Variants in ADSS1 observed in about 807,000 individuals in gnomAD.
ADSS1 encodes adenylosuccinate synthetase isozyme 1.
A neutral mutation model predicts 59.1 loss-of-function variants in ADSS1; 57 were observed. The ratio of observed to expected loss-of-function variants is 0.97; its 90% confidence interval spans 0.78 to 1.20. The LOEUF is 1.20. Ranked by LOEUF, ADSS1 falls within the 50% of genes most tolerant of loss-of-function variation. ADSS1 has a pLI of 0.00. For missense variants in ADSS1, 603 were observed against 610.3 expected (o/e 0.99, Z 0.13); for synonymous variants, 247 against 249.4 (o/e 0.99, Z 0.09).
At chr14:104,729,601 G>T (rs1890833072) in intron 1 of ADSS1, 1 of 205,548 alleles carries the variant, frequency 4.9e-6, no homozygotes, top group Non-Finnish European at 8.8e-6. Flanking sequence ...GGAGGAGCGT[G>T]GCGTCGGCGT....
chr14:104,741,881 C>A lies in ADSS1; in HGVS notation c.827C>A (p.Thr276Asn). The A allele has an allele frequency of 6.2e-7, 1 of 1,613,428 alleles. No individual in the cohort carries two copies. Among genetic ancestry groups the A allele is most frequent in the Non-Finnish European group, 8.5e-7 (1 of 1,179,990 alleles). The change falls in exon 9 of 13, where the codon ACC becomes AAC. Residue 276 changes from threonine to asparagine, a missense_variant. Physicochemically the swap from Thr to Asn is moderately conservative, Grantham distance 65. Transcript: ENST00000330877. Reference sequence around the variant, plus strand: ...CCCTTTGTGACTTCATCCAACTGCACCGTGGGCGGTGTGTGCACGGGCCTG... The same window carrying A: ...CCCTTTGTGACTTCATCCAACTGCAACGTGGGCGGTGTGTGCACGGGCCTG... ...TYPFVTSSNC[T>N]VGGVCTGLGI... is the part of the protein sequence containing the mutation.
At chr14:104,736,463 C>T (rs1285600773) in intron 2 of ADSS1, among the ~76,000 whole-genome samples, 2 of 152,234 alleles carry the variant, frequency 1.3e-5, no homozygotes, top group South Asian at 2.1e-4. Flanking sequence ...TGCAACACTC[C>T]GGGCCTCTGC....
rs2140750149 is a variant in ADSS1 at position 104,729,539 on chromosome 14, G to GGAGGAGCGTGGCGTCGGCGTCGGGGT, written c.192+5097_192+5098insCGGGGTGAGGAGCGTGGCGTCGGCGT. On this transcript the variant is annotated intron_variant, in intron 1 of 12. Coordinates refer to ENST00000330877, the MANE Select transcript of ADSS1 (RefSeq NM_152328.5). ...GAGGAGCGTGGCGTCGGCGTCGTGG[G>GGAGGAGCGTGGCGTCGGCGTCGGGGT]GAGGAGCGTGGCGTCGGCGTGGTGG... is the stretch of plus-strand genomic sequence containing the variant. 2.9e-5 allele frequency among the ~76,000 whole-genome samples: 3 copies of GGAGGAGCGTGGCGTCGGCGTCGGGGT among 102,088 alleles called. 1 individual carries two copies. Among genetic ancestry groups the GGAGGAGCGTGGCGTCGGCGTCGGGGT allele is most frequent in the South Asian group, 4.1e-4 (1 of 2,450 alleles). The allele number at this position is 102,088 out of a possible 152,430, so 67.0% of individuals were successfully genotyped here. A position where few individuals can be genotyped will look rare whatever the true frequency, so the allele number is the denominator to read the frequency against.
chr14:104,745,992 A>T, intron 11 of ADSS1: 1 of 386,916 alleles, frequency 2.6e-6, no homozygotes, highest in Non-Finnish European at 4.7e-6. Context: ...CAGAGTGGGT[A>T]GCACATATGT....
At chr14:104,744,939 G>A (rs1380345636) in intron 11 of ADSS1, 30 bp downstream of exon 11, 40 of 1,604,236 alleles carry the variant, frequency 2.5e-5, no homozygotes, top group Non-Finnish European at 3.2e-5. Context: ...CGTTCTGCCT[G>A]TTGGGCCGTT....
intron 8 of ADSS1, 66 bp downstream of exon 8, chr14:104,741,309 G>A (rs1891346146): frequency 6.6e-7 from 1 of 1,504,656 alleles, no homozygotes; most frequent in Non-Finnish European, 8.9e-7. Flanking sequence ...CAGCTGCGGA[G>A]AGCCGTGGGA....
intron 1 of ADSS1, among the ~76,000 whole-genome samples, chr14:104,727,260 G>A (rs910101648): frequency 1.3e-5 from 2 of 152,158 alleles, no homozygotes; most frequent in African/African-American, 4.8e-5. Flanking sequence ...TTTAGGACCT[G>A]TTTCCTGGGC....
intron 7 of ADSS1, 33 bp from the exon 8 acceptor site, chr14:104,741,084 A>G: frequency 6.3e-7 from 1 of 1,586,326 alleles, no homozygotes; most frequent in Non-Finnish European, 8.6e-7. Flanking sequence ...CCCAGGCCAC[A>G]GGCTCACTCT....
At chr14:104,738,581 G>A (rs896233403) in intron 3 of ADSS1, 143 bp downstream of exon 3, 3 of 914,698 alleles carry the variant, frequency 3.3e-6, no homozygotes, top group East Asian at 2.8e-5. Flanking sequence ...CTCATCACCC[G>A]CCGGCTCTAC....
At chr14:104,742,399 T>TG (rs1891399719) in intron 9 of ADSS1, among the ~76,000 whole-genome samples, 1 of 152,234 alleles carries the variant, frequency 6.6e-6, no homozygotes, top group Non-Finnish European at 1.5e-5. Context: ...GTCCCCAGGT[T>TG]GGGGGGTCCT....
intron 11 of ADSS1, 74 bp from the exon 12 acceptor site, chr14:104,746,162 G>A (rs917340962): frequency 3.3e-6 from 5 of 1,527,234 alleles, no homozygotes; most frequent in East Asian, 2.3e-5. Context: ...GGGGGTGGCC[G>A]TGTCACCAAA....
In ADSS1 at chr14:104,724,277, G is replaced by C. The variant is rs2140734526; in HGVS notation, c.7G>C (p.Gly3Arg). Residue 3 changes from glycine (G) to arginine (R), a missense_variant, in exon 1 of 13, where the codon GGG becomes CGG. Physicochemically the swap from Gly to Arg is moderately radical, Grantham distance 125. Coordinates refer to ENST00000330877, the MANE Select transcript of ADSS1 (RefSeq NM_152328.5). ...GCGGAAGAGCCAAGCCAGCATGTCG[G>C]GGACCCGAGCCTCCAACGACCGGCC... The part of the protein sequence containing the change: MS[G>R]TRASNDRPPG... 8.1e-7 allele frequency: 1 copy of C among 1,229,694 alleles called. No homozygotes were observed. The highest frequency in any genetic ancestry group is 4.1e-5 in the South Asian group (1 of 24,446). 76.2% of individuals were successfully genotyped at this position (1,229,694 alleles called of 1,614,324 possible).
intron 1 of ADSS1, among the ~76,000 whole-genome samples, chr14:104,732,713 GC>G (rs1025830257): frequency 6.6e-6 from 1 of 152,158 alleles, no homozygotes; most frequent in Non-Finnish European, 1.5e-5. Flanking sequence ...CTCGACGCCT[GC>G]CCCCCCGCCC....
chr14:104,735,411 T>TCCCTCAC (rs1891084206), intron 2 of ADSS1, among the ~76,000 whole-genome samples: 4 of 149,922 alleles, frequency 2.7e-5, no homozygotes, highest in African/African-American at 9.8e-5. Flanking sequence ...TGATCCCTGA[T>TCCCTCAC]CCCTCACATG....
Position 104,724,474 on chromosome 14 carries a change from G to A in ADSS1, c.192+12G>A. On this transcript the variant is annotated intron_variant, in intron 1 of 12. Coordinates refer to ENST00000330877, the MANE Select transcript of ADSS1 (RefSeq NM_152328.5). ...TCAGCCGCTGCCAGGTGCGGGCTGG[G>A]GCGCCGGGTCCCTCCCCCACCGCCC... 8.1e-7 allele frequency: 1 copy of A among 1,239,516 alleles called. No individual in the cohort carries two copies. Among genetic ancestry groups the A allele is most frequent in the South Asian group, 4.1e-5 (1 of 24,474 alleles). 76.8% of individuals were successfully genotyped at this position (1,239,516 alleles called of 1,614,324 possible).
intron 10 of ADSS1, chr14:104,744,580 C>T: frequency 1.8e-6 from 1 of 557,954 alleles, no homozygotes; most frequent in Non-Finnish European, 3.2e-6. Flanking sequence ...GTTCAGGCTC[C>T]TGTGAGAATT....
At chr14:104,738,352 C>T in intron 2 of ADSS1, 24 bp from the exon 3 acceptor site, 1 of 1,613,182 alleles carries the variant, frequency 6.2e-7, no homozygotes, top group South Asian at 1.1e-5. Context: ...AACTCTGTCT[C>T]TCATGCCTCT....
intron 4 of ADSS1, 116 bp downstream of exon 4, chr14:104,739,494 C>T (rs1201127220): frequency 1.7e-6 from 2 of 1,209,350 alleles, no homozygotes; most frequent in African/African-American, 1.5e-5. Flanking sequence ...TCTTGCTCCA[C>T]ATGGCTCCAT....
At chr14:104,744,978 G>A in intron 11 of ADSS1, 69 bp downstream of exon 11, 1 of 1,415,576 alleles carries the variant, frequency 7.1e-7, no homozygotes, top group Admixed American at 1.8e-5. Context: ...TAGGACCTGT[G>A]ACTTCTCAGA....
Sources: gnomAD v4.1 joint callset for allele counts (sites outside exome capture counted in the v4.1 genomes callset) on GRCh38, gnomAD v4.1.1 for gene constraint, MANE v1.5 for transcripts, NCBI Gene and HGNC (gene_info 2026-07-23, HGNC 2026-07-21) for gene names.